Variants in CCSER1 observed in about 807,000 individuals in gnomAD.
CCSER1 encodes the protein coiled-coil serine rich protein 1, also known as serine-rich coiled-coil domain-containing protein 1.
CCSER1 carries 41 observed loss-of-function variants against 82.0 expected under a neutral mutation model. The observed-to-expected ratio is 0.50, with a 90% confidence interval of 0.39 to 0.65. The LOEUF is 0.65. CCSER1 is among the 30% of genes least tolerant of loss of function. CCSER1 has a pLI of 0.00. For synonymous variants in CCSER1, 414 were observed against 383.9 expected, an observed-to-expected ratio of 1.08 and a Z score of -0.92; for missense variants, 1,119 against 1,064.2, an observed-to-expected ratio of 1.05 and a Z score of -0.72.
At chr4:91,167,711 T>A (rs1732245000) in intron 10 of CCSER1, among the ~76,000 whole-genome samples, 1 of 152,232 alleles carries the variant, frequency 6.6e-6, no homozygotes, top group Admixed American at 6.5e-5. Flanking sequence ...GCTCAGGGAA[T>A]ATATATGATT....
chr4:90,955,345 C>G (rs1733327849), intron 9 of CCSER1, among the ~76,000 whole-genome samples: 1 of 152,056 alleles, frequency 6.6e-6, no homozygotes, highest in South Asian at 2.1e-4. Context: ...GAAAACTAGT[C>G]CTAAGAGGCT....
chr4:91,536,069 G>A (rs559381882), intron 10 of CCSER1, among the ~76,000 whole-genome samples: 34 of 152,026 alleles, frequency 2.2e-4, no homozygotes, highest in Non-Finnish European at 3.2e-4. Context: ...CTAGTTTTCA[G>A]AAGGATCACA....
intron 8 of CCSER1, among the ~76,000 whole-genome samples, chr4:90,918,799 C>T (rs976452605): frequency 6.6e-6 from 1 of 151,490 alleles, no homozygotes; most frequent in Non-Finnish European, 1.5e-5. Flanking sequence ...ACGGAGTTCA[C>T]ATATCAAATG....
intron 9 of CCSER1, among the ~76,000 whole-genome samples, chr4:90,988,703 A>G (rs769341380): frequency 7.9e-5 from 12 of 151,742 alleles, no homozygotes; most frequent in Non-Finnish European, 1.6e-4. Context: ...TTGATGGCTG[A>G]TTTGTTTCAT....
At chr4:90,628,361 G>A (rs765316587) in intron 6 of CCSER1, 129 bp downstream of exon 6, 4 of 662,158 alleles carry the variant, frequency 6.0e-6, no homozygotes, top group Non-Finnish European at 1.1e-5. Flanking sequence ...TCCTCTTGGA[G>A]CTTAGCTATT....
At chr4:90,230,169 T>A (rs546470309) in intron 1 of CCSER1, among the ~76,000 whole-genome samples, 35 of 152,202 alleles carry the variant, frequency 2.3e-4, no homozygotes, top group East Asian at 1.7e-3. Context: ...AGAATATACA[T>A]TTTTTTCAGC....
At chr4:90,411,472 C>T (rs370173573) in intron 4 of CCSER1, among the ~76,000 whole-genome samples, 1,562 of 152,194 alleles carry the variant, frequency 0.01, 17 homozygotes, top group South Asian at 0.03. Context: ...GTTCAACATA[C>T]GAAAATCAAT....
At chr4:90,899,884 T>A (rs1049419212) in intron 8 of CCSER1, among the ~76,000 whole-genome samples, 3 of 152,010 alleles carry the variant, frequency 2.0e-5, no homozygotes, top group African/African-American at 7.2e-5. Flanking sequence ...TCTGTGTTCA[T>A]CAGGGATGTT....
At chr4:91,236,064 T>G (rs975054116) in intron 10 of CCSER1, among the ~76,000 whole-genome samples, 2 of 152,182 alleles carry the variant, frequency 1.3e-5, no homozygotes, top group African/African-American at 4.8e-5. Flanking sequence ...TGTTGAGAAT[T>G]GATGCAAGTA....
intron 10 of CCSER1, among the ~76,000 whole-genome samples, chr4:91,304,651 C>T (rs1464704668): frequency 1.3e-5 from 2 of 151,948 alleles, no homozygotes; most frequent in Non-Finnish European, 2.9e-5. Context: ...GAGTTCACAC[C>T]ACAGGATATA....
intron 5 of CCSER1, among the ~76,000 whole-genome samples, chr4:90,570,895 A>G (rs1449467274): frequency 2.0e-5 from 3 of 152,140 alleles, no homozygotes; most frequent in Non-Finnish European, 2.9e-5. Flanking sequence ...AAAACCCACC[A>G]CAGGAACCTG....
chr4:90,583,842 G>A (rs1781691235), intron 5 of CCSER1, among the ~76,000 whole-genome samples: 1 of 151,924 alleles, frequency 6.6e-6, no homozygotes, highest in African/African-American at 2.4e-5. Flanking sequence ...TCTTGTAAAT[G>A]TCAAATACAA....
intron 4 of CCSER1, among the ~76,000 whole-genome samples, chr4:90,418,542 T>G (rs1160866342): frequency 1.3e-5 from 2 of 152,034 alleles, no homozygotes; most frequent in African/African-American, 4.8e-5. Context: ...CATCACTTTC[T>G]CATTTGAGAA....
Position 91,085,650 on chromosome 4 carries a change from G to A in CCSER1, c.2173-300G>A, listed in dbSNP as rs1723307089. On this transcript the variant is annotated intron_variant, in intron 9 of 10. Coordinates refer to ENST00000509176, the MANE Select transcript of CCSER1 (RefSeq NM_001145065.2). Reference sequence around the variant, plus strand: ...GAATATACTGTACATACTAGTTCAAGTTTAAACATCTTTGGTTTCAACAAA... The same window carrying A: ...GAATATACTGTACATACTAGTTCAAATTTAAACATCTTTGGTTTCAACAAA... Among the ~76,000 whole-genome samples, 7 of 152,102 alleles carry A rather than the reference G, an allele frequency of 4.6e-5. No homozygotes were observed. In the South Asian group the frequency reaches 1.4e-3, roughly 31 times the overall value.
At chr4:90,537,385 G>A (rs545531517) in intron 5 of CCSER1, among the ~76,000 whole-genome samples, 58 of 151,716 alleles carry the variant, frequency 3.8e-4, no homozygotes, top group African/African-American at 1.4e-3. Context: ...ATTTTCATTC[G>A]AGTTTTTTCT....
intron 9 of CCSER1, among the ~76,000 whole-genome samples, chr4:91,083,763 A>G (rs1723066940): frequency 6.6e-6 from 1 of 152,174 alleles, no homozygotes; most frequent in Non-Finnish European, 1.5e-5. Context: ...ACTGCAGAAG[A>G]AAAGATCAAT....
intron 5 of CCSER1, among the ~76,000 whole-genome samples, chr4:90,501,332 T>A (rs1371867131): frequency 6.6e-6 from 1 of 152,182 alleles, no homozygotes; most frequent in East Asian, 1.9e-4. Context: ...TTCTAGATCT[T>A]GCAATTAACG....
At chr4:90,594,181 A>C (rs1355435363) in intron 5 of CCSER1, among the ~76,000 whole-genome samples, 1 of 151,960 alleles carries the variant, frequency 6.6e-6, no homozygotes, top group Non-Finnish European at 1.5e-5. Context: ...CTTAAGAAAA[A>C]GATGTTTTAT....
intron 10 of CCSER1, among the ~76,000 whole-genome samples, chr4:91,452,848 A>G (rs139147299): frequency 6.6e-6 from 1 of 152,060 alleles, no homozygotes; most frequent in African/African-American, 2.4e-5. Flanking sequence ...TTTTCCTGCA[A>G]ATGAAATCTC....
Sources: gnomAD v4.1 joint callset for allele counts (sites outside exome capture counted in the v4.1 genomes callset) on GRCh38, gnomAD v4.1.1 for gene constraint, MANE v1.5 for transcripts, NCBI Gene and HGNC (gene_info 2026-07-23, HGNC 2026-07-21) for gene names.